The following UNC5B variants were observed in gnomAD, a reference collection of about 807,000 sequenced individuals.
UNC5B encodes the protein unc-5 netrin receptor B.
UNC5B carries 56 observed loss-of-function variants against 103.7 expected under a neutral mutation model. The ratio of observed to expected loss-of-function variants is 0.54; its 90% CI spans 0.44 to 0.67. UNC5B has a LOEUF of 0.67. UNC5B is among the 30% of genes least tolerant of loss of function. The pLI is 0.00. For missense variants in UNC5B, 1,194 were observed against 1,284.5 expected (o/e 0.93, Z 1.08); for synonymous variants, 577 against 542.0 (o/e 1.06, Z -0.90).
chr10:71,228,384 CAAAA>C (rs58283911), intron 1 of UNC5B, among the ~76,000 whole-genome samples: 2 of 142,544 alleles, frequency 1.4e-5, no homozygotes, highest in Admixed American at 7.0e-5. Context: ...AAATTTTCGA[CAAAA>C]AAAAAAATCA....
chr10:71,270,724 G>A (rs1844628121), intron 1 of UNC5B, among the ~76,000 whole-genome samples: 1 of 152,088 alleles, frequency 6.6e-6, no homozygotes, highest in African/African-American at 2.4e-5. Flanking sequence ...TGAAGGAAAG[G>A]GAGCCACCAG....
intron 1 of UNC5B, among the ~76,000 whole-genome samples, chr10:71,255,313 T>C (rs1356636104): frequency 6.6e-6 from 1 of 152,190 alleles, no homozygotes; most frequent in African/African-American, 2.4e-5. Flanking sequence ...CACGCCCTCA[T>C]TCATACACGC....
intron 11 of UNC5B, among the ~76,000 whole-genome samples, chr10:71,293,068 C>T (rs540758226): frequency 7.4e-4 from 113 of 152,280 alleles, no homozygotes; most frequent in Admixed American, 1.6e-3. Flanking sequence ...TTCTGTGGCA[C>T]GTGGCCGGGA....
At chr10:71,273,719 G>T (rs1186342007) in intron 1 of UNC5B, among the ~76,000 whole-genome samples, 1 of 152,204 alleles carries the variant, frequency 6.6e-6, no homozygotes, top group Admixed American at 6.5e-5. Flanking sequence ...TCCTAGACGG[G>T]CGCCCTGTTG....
chr10:71,302,330 T>A lies in UNC5B; in HGVS notation c.*3053T>A, dbSNP rs1162176609. 1 of 152,228 alleles carries A rather than the reference T, an allele frequency of 6.6e-6. No individual in the cohort carries two copies. Among genetic ancestry groups the A allele is most frequent in the Admixed American group, 6.5e-5 (1 of 15,278 alleles). The allele number at this position is 152,228 out of a possible 1,614,324, so 9.4% of individuals were successfully genotyped here. On this transcript the variant is annotated 3_prime_UTR_variant, in exon 17 of 17. Coordinates refer to ENST00000335350, the MANE Select transcript of UNC5B (RefSeq NM_170744.5). Reference sequence around the variant, plus strand: ...CTCTGTGGGCACATCAGGATGCCCCTCGGAGAGCATGTGCACGTGTCCCCA... The same window carrying A: ...CTCTGTGGGCACATCAGGATGCCCCACGGAGAGCATGTGCACGTGTCCCCA...
At chr10:71,285,236 C>G in intron 3 of UNC5B, 90 bp from the exon 4 acceptor site, 1 of 1,318,330 alleles carries the variant, frequency 7.6e-7, no homozygotes, top group Non-Finnish European at 1.1e-6. Flanking sequence ...TACCCTGGGT[C>G]TGCACTGCCA....
At chr10:71,290,411 C>T (rs543283294) in intron 8 of UNC5B, among the ~76,000 whole-genome samples, 1 of 152,202 alleles carries the variant, frequency 6.6e-6, no homozygotes, top group Non-Finnish European at 1.5e-5. Flanking sequence ...TTCAGCTCCC[C>T]GTCCCTCCAC....
intron 1 of UNC5B, among the ~76,000 whole-genome samples, chr10:71,278,629 G>A (rs981349328): frequency 6.6e-6 from 1 of 152,246 alleles, no homozygotes; most frequent in Admixed American, 6.5e-5. Context: ...CTGACTGTAG[G>A]GGGGACTCCC....
chr10:71,256,525 A>G (rs1404238325), intron 1 of UNC5B, among the ~76,000 whole-genome samples: 1 of 152,270 alleles, frequency 6.6e-6, no homozygotes, highest in Non-Finnish European at 1.5e-5. Flanking sequence ...AGGTTCGGGA[A>G]CAGAGGGGAC....
chr10:71,264,803 A>G (rs1478098690), intron 1 of UNC5B, among the ~76,000 whole-genome samples: 1 of 152,066 alleles, frequency 6.6e-6, no homozygotes, highest in African/African-American at 2.4e-5. Flanking sequence ...GTCCTGGTGC[A>G]GGCCATGGTT....
chr10:71,285,093 C>T (rs112215973), intron 3 of UNC5B, among the ~76,000 whole-genome samples: 2 of 152,216 alleles, frequency 1.3e-5, no homozygotes, highest in African/African-American at 2.4e-5. Context: ...CTTCCTCCCC[C>T]ATCCTGAGCC....
intron 1 of UNC5B, among the ~76,000 whole-genome samples, chr10:71,237,369 C>T (rs1187363047): frequency 6.6e-6 from 1 of 152,194 alleles, no homozygotes; most frequent in Admixed American, 6.5e-5. Context: ...TACCCCATAA[C>T]GTCTCCATGA....
chr10:71,277,201 G>T (rs1003093070), intron 1 of UNC5B, among the ~76,000 whole-genome samples: 1 of 152,252 alleles, frequency 6.6e-6, no homozygotes, highest in African/African-American at 2.4e-5. Flanking sequence ...CTGTCACCCC[G>T]GGGCTGGGGG....
At chr10:71,220,246 A>G (rs1275205442) in intron 1 of UNC5B, among the ~76,000 whole-genome samples, 3 of 152,196 alleles carry the variant, frequency 2.0e-5, no homozygotes, top group Non-Finnish European at 4.4e-5. Flanking sequence ...ACGAGCCCAG[A>G]AAATACTTTC....
chr10:71,285,760 T>C (rs1170413053), intron 4 of UNC5B, among the ~76,000 whole-genome samples: 2 of 152,112 alleles, frequency 1.3e-5, no homozygotes, highest in African/African-American at 4.8e-5. Flanking sequence ...GCTTTCTGGA[T>C]GCGAAAGGAT....
At chr10:71,236,362 C>T (rs968237034) in intron 1 of UNC5B, among the ~76,000 whole-genome samples, 2 of 152,118 alleles carry the variant, frequency 1.3e-5, no homozygotes, top group African/African-American at 4.8e-5. Context: ...CCCGCCCTGC[C>T]TCACCTAAAA....
At position 71,287,605 on chromosome 10, in the gene UNC5B, C is replaced by T. The variant is rs140557574; in HGVS notation, c.741C>T (p.Gly247=). Reference sequence around the variant, plus strand: ...ACAGCTGCCGCCTTGCAGTGAATGGCGGCTGGTCCAGCTGGGCAGAGTGGT... The same window carrying T: ...ACAGCTGCCGCCTTGCAGTGAATGGTGGCTGGTCCAGCTGGGCAGAGTGGT... ...TTATVIVYVN[G]GWSSWAEWSP... Residue 247 remains glycine (G), a synonymous_variant, in exon 6 of 17, where the codon GGC becomes GGT. Transcript: ENST00000335350. 140 of 1,595,308 alleles carry T rather than the reference C, an allele frequency of 8.8e-5. No individual in the cohort carries two copies. The African/African-American group carries it at 1.5e-3, about 17-fold the overall frequency.
chr10:71,242,497 C>T (rs7918500), intron 1 of UNC5B, among the ~76,000 whole-genome samples: 7 of 152,132 alleles, frequency 4.6e-5, no homozygotes, highest in Non-Finnish European at 8.8e-5. Flanking sequence ...GTCTGCCCCC[C>T]TCTCCCTGGG....
intron 1 of UNC5B, among the ~76,000 whole-genome samples, chr10:71,239,609 T>G (rs1293455804): frequency 6.6e-6 from 1 of 152,166 alleles, no homozygotes; most frequent in East Asian, 1.9e-4. Flanking sequence ...CTTCTGGTGC[T>G]TAGCTGCAGT....
Sources: gnomAD v4.1 joint callset for allele counts (sites outside exome capture counted in the v4.1 genomes callset) on GRCh38, gnomAD v4.1.1 for gene constraint, MANE v1.5 for transcripts, NCBI Gene and HGNC (gene_info 2026-07-23, HGNC 2026-07-21) for gene names.